PTPRA: variants seen among roughly 807,000 people sequenced by gnomAD.
The protein encoded by PTPRA is protein tyrosine phosphatase receptor type A.
PTPRA carries 25 observed loss-of-function variants against 104.8 expected under a neutral mutation model. The observed-to-expected ratio is 0.24, with a 90% CI of 0.17 to 0.33. The LOEUF is 0.33. PTPRA is among the 10% of genes least tolerant of loss of function. The pLI is 1.00. For synonymous variants in PTPRA, 323 were observed against 368.9 expected (o/e 0.88, Z 1.43); for missense variants, 765 against 1,015.3 (o/e 0.75, Z 3.35).
intron 1 of PTPRA, 33 bp from the exon 2 acceptor site, chr20:2,923,174 A>T (rs1394417600): frequency 6.2e-6 from 6 of 964,110 alleles, no homozygotes; most frequent in Non-Finnish European, 7.0e-6. Flanking sequence ...GGGATGTTGT[A>T]TATTTCTAAA....
Position 3,027,975 on chromosome 20 carries a change from C to A in PTPRA, c.1920+134C>A, listed in dbSNP as rs1034872655. 4.8e-6 allele frequency: 6 copies of A among 1,254,772 alleles called. No homozygotes were observed. The African/African-American group carries it at 7.5e-5, about 16-fold the overall frequency. The allele number at this position is 1,254,772 out of a possible 1,614,324, so 77.7% of individuals were successfully genotyped here. A position where few individuals can be genotyped will look rare whatever the true frequency, so the allele number is the denominator to read the frequency against. The stretch of plus-strand genomic sequence containing the variant: ...TTATACGGTCCAAAGAGTACGTTTG[C>A]ATAGTATAAGTACATACTTAAAGGT... On this transcript the variant is annotated intron_variant, in intron 20 of 23. Transcript: ENST00000399903.
intron 16 of PTPRA, among the ~76,000 whole-genome samples, chr20:3,024,179 A>G (rs2065024311): frequency 6.6e-6 from 1 of 152,168 alleles, no homozygotes; most frequent in East Asian, 1.9e-4. Flanking sequence ...CAGCCCCTTC[A>G]GACTATTAAA....
At chr20:3,007,504 G>T in intron 11 of PTPRA, 84 bp downstream of exon 11, 1 of 1,390,166 alleles carries the variant, frequency 7.2e-7, no homozygotes, top group Non-Finnish European at 1.0e-6. Flanking sequence ...TGTGTTAGGA[G>T]AAATATTTGT....
At chr20:2,970,826 A>G (rs1295893096) in intron 5 of PTPRA, among the ~76,000 whole-genome samples, 2 of 151,458 alleles carry the variant, frequency 1.3e-5, no homozygotes, top group Non-Finnish European at 3.0e-5. Flanking sequence ...GTGTGTGTGT[A>G]CACGCACTTA....
At chr20:2,934,669 C>CTTT (rs756152103) in intron 2 of PTPRA, among the ~76,000 whole-genome samples, 43 of 127,178 alleles carry the variant, frequency 3.4e-4, no homozygotes, top group South Asian at 1.0e-3. Context: ...CAATTAGAAC[C>CTTT]TTTTTTTTTT....
At chr20:2,904,061 C>A (rs959989152) in intron 1 of PTPRA, among the ~76,000 whole-genome samples, 2 of 152,030 alleles carry the variant, frequency 1.3e-5, no homozygotes, top group Non-Finnish European at 2.9e-5. Context: ...CGCGTGCCAC[C>A]ATGCCCAGCC....
rs2148437863 is a variant in PTPRA, at chr20:3,022,787, G to A, written c.1427G>A (p.Arg476Gln). The change falls in exon 16 of 24, where the codon CGG becomes CAG. Residue 476 changes from arginine to glutamine, a missense_variant. Coordinates refer to ENST00000399903, the MANE Select transcript of PTPRA (RefSeq NM_001385305.1). This position sits in a 1 kb window ranked among gnomAD's most constrained non-coding sequence, Gnocchi z 4.6. ...GTGGACGTGTATGGCTTTGTGAGCC[G>A]GATCCGGGCACAGCGCTGCCAGATG... ...RKVDVYGFVSRIRAQRCQMVQ... is the reference protein window; with the variant it reads ...RKVDVYGFVSQIRAQRCQMVQ... 1 of 1,614,162 alleles carries A rather than the reference G, an allele frequency of 6.2e-7. No individual in the cohort carries two copies.
chr20:3,004,992 A>G, intron 9 of PTPRA, 64 bp from the exon 10 acceptor site: 3 of 1,415,298 alleles, frequency 2.1e-6, no homozygotes, highest in Non-Finnish European at 3.0e-6. Flanking sequence ...GGTTTGGTGC[A>G]GCAGTTTGCA....
At chr20:2,868,162 C>T in the PTPRA span, among the ~76,000 whole-genome samples, 1 of 152,146 alleles carries the variant, frequency 6.6e-6, no homozygotes, top group African/African-American at 2.4e-5. Flanking sequence ...GTCCCAAGGA[C>T]AAGCATCCCA....
In PTPRA at chr20:2,977,517, T is replaced by C. The variant is rs552535143; in HGVS notation, c.442+2276T>C. Among the ~76,000 whole-genome samples, 4 of 151,734 alleles carry C rather than the reference T, an allele frequency of 2.6e-5. No homozygotes were observed. The South Asian group carries it at 8.4e-4, about 32-fold the overall frequency. Reference sequence around the variant, plus strand: ...AAAAATTAACCAGGCATGTGGTACGTACCTGTAGTCCCAGCCACTTGGGAC... The same window carrying C: ...AAAAATTAACCAGGCATGTGGTACGCACCTGTAGTCCCAGCCACTTGGGAC... On this transcript the variant is annotated intron_variant, in intron 6 of 23. Coordinates refer to ENST00000399903, the MANE Select transcript of PTPRA (RefSeq NM_001385305.1).
In PTPRA at chr20:2,892,533, T is replaced by C. The variant is rs141057311; in HGVS notation, c.-129+18773T>C. On this transcript the variant is annotated intron_variant, in intron 1 of 23. Transcript: ENST00000399903. ...TTTCTCATGGTGCTGGGCAGAAGCA[T>C]TGACCCACACCTCCCAGTCAGCCAT... is the stretch of plus-strand genomic sequence containing the variant. 2.1e-3 allele frequency among the ~76,000 whole-genome samples: 322 copies of C among 152,244 alleles called. 2 individuals carry two copies. Among genetic ancestry groups the C allele is most frequent in the African/African-American group, 7.2e-3 (298 of 41,552 alleles).
At chr20:2,892,405 T>C (rs2058835095) in intron 1 of PTPRA, among the ~76,000 whole-genome samples, 1 of 152,054 alleles carries the variant, frequency 6.6e-6, no homozygotes, top group African/African-American at 2.4e-5. Flanking sequence ...ATTTTTATAC[T>C]ATGATGGTGG....
the PTPRA span, chr20:2,866,421 A>G: frequency 6.2e-7 from 1 of 1,614,148 alleles, no homozygotes; most frequent in Non-Finnish European, 8.5e-7. Flanking sequence ...TCTCTTGCTC[A>G]AACCACAGCG....
Position 3,021,418 on chromosome 20 carries a change from G to C in PTPRA, c.1151G>C (p.Cys384Ser), listed in dbSNP as rs760748524. ...GTGGACTACACAGTACGGAAGTTCT[G>C]CATCCAGCAGGTAGTGTCTCCTCTG... ...VLVDYTVRKFCIQQVGDMTNR... is the reference protein window; with the variant it reads ...VLVDYTVRKFSIQQVGDMTNR... The change falls in exon 14 of 24, where the codon TGC becomes TCC. Residue 384 changes from cysteine to serine, a missense_variant. This residue lies in a region of PTPRA where 245 missense variants were observed against 398.7 expected (regional missense o/e 0.61). Coordinates refer to ENST00000399903, the MANE Select transcript of PTPRA (RefSeq NM_001385305.1). 1.9e-6 allele frequency: 3 copies of C among 1,614,016 alleles called. No individual in the cohort carries two copies. In the South Asian group the frequency reaches 3.3e-5, roughly 18 times the overall value.
At chr20:2,900,014 G>A (rs1382905875) in intron 1 of PTPRA, among the ~76,000 whole-genome samples, 1 of 152,178 alleles carries the variant, frequency 6.6e-6, no homozygotes, top group Non-Finnish European at 1.5e-5. Flanking sequence ...GGAGGCTGAG[G>A]CAGGAGAATC....
intron 3 of PTPRA, among the ~76,000 whole-genome samples, chr20:2,960,827 G>A (rs893023098): frequency 6.6e-5 from 10 of 151,532 alleles, no homozygotes; most frequent in Admixed American, 2.0e-4. Context: ...ATGAGTCACC[G>A]CACCTGGCCT....
At chr20:2,869,824 T>G (rs576935286), upstream of PTPRA, among the ~76,000 whole-genome samples, 474 of 149,998 alleles carry the variant, frequency 3.2e-3, 2 homozygotes, top group African/African-American at 0.011. Context: ...AAAAATTAGC[T>G]GGGGGTGGTG....
chr20:2,968,948 C>T (rs2062047255), intron 5 of PTPRA, among the ~76,000 whole-genome samples: 1 of 152,112 alleles, frequency 6.6e-6, no homozygotes, highest in East Asian at 1.9e-4. Flanking sequence ...TGGCTCACTC[C>T]TGTAATCCCA....
intron 19 of PTPRA, 105 bp downstream of exon 19, chr20:3,027,302 C>T (rs1443983443): frequency 1.7e-5 from 20 of 1,199,800 alleles, no homozygotes; most frequent in Non-Finnish European, 2.3e-5. Context: ...ATGTTTGAAT[C>T]AGTCAACAAA....
Sources: allele counts gnomAD v4.1 joint callset (sites outside exome capture counted in the v4.1 genomes callset), GRCh38; gene constraint gnomAD v4.1.1; regional missense constraint gnomAD v4.1.1; non-coding constraint Gnocchi (gnomAD v3.1); transcripts MANE v1.5; gene names NCBI Gene and HGNC (gene_info 2026-07-23, HGNC 2026-07-21).